Variants in CRPPA observed in about 807,000 individuals in gnomAD.
CRPPA encodes D-ribitol-5-phosphate cytidylyltransferase.
CRPPA carries 43 observed loss-of-function variants against 52.0 expected under a neutral mutation model. The ratio of observed to expected loss-of-function variants is 0.83; its 90% CI spans 0.65 to 1.07. The LOEUF is 1.07. CRPPA is among the 50% of genes least tolerant of loss of function. The pLI is 0.00. For synonymous variants in CRPPA, 250 were observed against 203.5 expected (o/e 1.23, Z -1.94); for missense variants, 629 against 551.7 (o/e 1.14, Z -1.40).
chr7:16,353,568 G>C (rs1044793471), intron 3 of CRPPA, among the ~76,000 whole-genome samples: 4 of 152,138 alleles, frequency 2.6e-5, no homozygotes, highest in African/African-American at 7.2e-5. Flanking sequence ...TTAATTTGTT[G>C]GCAGGGTGTG....
chr7:16,342,770 A>ATAT (rs1204379500), intron 3 of CRPPA, among the ~76,000 whole-genome samples: 7 of 3,686 alleles, frequency 1.9e-3, no homozygotes, highest in Middle Eastern at 0.1. Flanking sequence ...CCACAAAAAA[A>ATAT]AAAAAAAAAA....
Position 16,308,606 on chromosome 7 carries a change from A to C in CRPPA, c.706T>G (p.Phe236Val). The C allele has an allele frequency of 6.2e-7, 1 of 1,607,354 alleles. No homozygotes were observed. The highest frequency in any genetic ancestry group is 2.2e-5 in the East Asian group (1 of 44,804). The change falls in exon 4 of 10, where the codon TTT becomes GTT. Residue 236 changes from phenylalanine (F) to valine (V), a missense_variant. Phe to Val is a conservative substitution (Grantham distance 50, BLOSUM62 -1). Coordinates refer to ENST00000407010, the MANE Select transcript of CRPPA (RefSeq NM_001101426.4). ...YQQCSDYDLE[F>V]GTECLQLALK... ...GCCAATTGCAAACACTCAGTTCCAA[A>C]TTCCAAGTCATAGTCACTACACTGG...
rs1237605430 is a variant in CRPPA, at chr7:16,221,675, G to T, written c.1120-5478C>A. ...CTTCTCAAAAGAAGACATTTATGCA[G>T]CCAAAAAACACATGAAAAAATGCTC... On this transcript the variant is annotated intron_variant, in intron 8 of 9. Transcript: ENST00000407010. Among the ~76,000 whole-genome samples the T allele has an allele frequency of 2.0e-5, 3 of 152,020 alleles. No individual in the cohort carries two copies. In the East Asian group the frequency reaches 5.8e-4, roughly 29 times the overall value.
At position 16,421,395 on chromosome 7, in the gene CRPPA, G is replaced by A; in HGVS notation, c.-73C>T. The A allele has an allele frequency of 1.7e-6, 2 of 1,206,056 alleles. No individual in the cohort carries two copies. The highest frequency in any genetic ancestry group is 2.1e-6 in the Non-Finnish European group (2 of 970,020). 74.7% of individuals were successfully genotyped at this position (1,206,056 alleles called of 1,614,324 possible). On this transcript the variant is annotated 5_prime_UTR_variant, in exon 1 of 10. Coordinates refer to ENST00000407010, the MANE Select transcript of CRPPA (RefSeq NM_001101426.4). ...CCCGCGCTGCTCCCACCCTCGGCCGGGGTCGCGGGGCGAAGGGCAGACCAC... is the reference window on the plus strand; with the variant it reads ...CCCGCGCTGCTCCCACCCTCGGCCGAGGTCGCGGGGCGAAGGGCAGACCAC...
intron 5 of CRPPA, among the ~76,000 whole-genome samples, chr7:16,295,498 T>C (rs1003515764): frequency 6.6e-6 from 1 of 152,088 alleles, no homozygotes; most frequent in Non-Finnish European, 1.5e-5. Flanking sequence ...CTTGGGTTTG[T>C]ACAAGTATAA....
At chr7:16,291,823 C>T (rs1244809880) in intron 5 of CRPPA, among the ~76,000 whole-genome samples, 1 of 151,840 alleles carries the variant, frequency 6.6e-6, no homozygotes, top group Non-Finnish European at 1.5e-5. Flanking sequence ...TCAAAGTACC[C>T]ATAAATATGT....
chr7:16,178,475 T>C (rs1781348724), intron 9 of CRPPA, among the ~76,000 whole-genome samples: 1 of 152,174 alleles, frequency 6.6e-6, no homozygotes, highest in Non-Finnish European at 1.5e-5. Context: ...TTACATGAAT[T>C]ACTGAGAAAT....
Position 16,134,208 on chromosome 7 carries a change from G to A in CRPPA, c.1252-42409C>T, listed in dbSNP as rs1013128716. Among the ~76,000 whole-genome samples, 7 of 125,364 alleles carry A rather than the reference G, an allele frequency of 5.6e-5. 1 individual carries two copies. Among genetic ancestry groups the A allele is most frequent in the African/African-American group, 1.8e-4 (7 of 38,600 alleles). 82.2% of individuals were successfully genotyped at this position (125,364 alleles called of 152,430 possible). A position where few individuals can be genotyped will look rare whatever the true frequency, so the allele number is the denominator to read the frequency against. The stretch of plus-strand genomic sequence containing the variant: ...GGCCCCCTAAAGTGCTGGGATTACA[G>A]GCGTGAGACGCCACACACGGACCTT... On this transcript the variant is annotated intron_variant, in intron 9 of 9. Transcript: ENST00000407010.
intron 2 of CRPPA, among the ~76,000 whole-genome samples, chr7:16,378,842 T>G (rs1370516246): frequency 6.6e-6 from 1 of 152,230 alleles, no homozygotes; most frequent in Non-Finnish European, 1.5e-5. Context: ...GGTTTTGATT[T>G]GCATTTCTCT....
At chr7:16,240,791 G>C (rs1000446948) in intron 8 of CRPPA, among the ~76,000 whole-genome samples, 1 of 152,088 alleles carries the variant, frequency 6.6e-6, no homozygotes, top group Non-Finnish European at 1.5e-5. Flanking sequence ...AAGCAGGTAA[G>C]TAAAAGATGA....
chr7:16,329,512 G>T (rs1785500622), intron 3 of CRPPA, among the ~76,000 whole-genome samples: 1 of 152,154 alleles, frequency 6.6e-6, no homozygotes. Context: ...ATTATCCAAA[G>T]AGTGTGCACA....
chr7:16,341,420 T>C (rs1423538837), intron 3 of CRPPA, among the ~76,000 whole-genome samples: 2 of 152,134 alleles, frequency 1.3e-5, no homozygotes, highest in African/African-American at 4.8e-5. Flanking sequence ...CTAAAAAAAG[T>C]CTTTAAAAAA....
chr7:16,216,481 C>G, intron 8 of CRPPA: 1 of 277,550 alleles, frequency 3.6e-6, no homozygotes, highest in Admixed American at 5.0e-5. Context: ...CAGCTCCCAG[C>G]GTGAGCGACG....
chr7:16,151,288 C>G (rs1006706238), intron 9 of CRPPA, among the ~76,000 whole-genome samples: 1 of 152,068 alleles, frequency 6.6e-6, no homozygotes, highest in Non-Finnish European at 1.5e-5. Context: ...GAGCTTCAAA[C>G]TAGAAACCAT....
chr7:16,334,504 C>T (rs1443436492), intron 3 of CRPPA, among the ~76,000 whole-genome samples: 1 of 152,186 alleles, frequency 6.6e-6, no homozygotes, highest in Non-Finnish European at 1.5e-5. Context: ...GAAGCATAGC[C>T]TCTGGTCCTG....
intron 3 of CRPPA, among the ~76,000 whole-genome samples, chr7:16,328,456 G>C (rs2128429210): frequency 6.7e-6 from 1 of 149,234 alleles, no homozygotes; most frequent in Non-Finnish European, 1.5e-5. Flanking sequence ...TTAATAAATG[G>C]TTGCTTTCTT....
chr7:16,154,285 G>A (rs143415836), intron 9 of CRPPA, among the ~76,000 whole-genome samples: 37 of 151,984 alleles, frequency 2.4e-4, no homozygotes, highest in African/African-American at 8.9e-4. Context: ...TGTTACAGAG[G>A]TATACGTGTG....
chr7:16,272,746 C>A (rs1487324125), intron 6 of CRPPA, among the ~76,000 whole-genome samples: 3 of 152,122 alleles, frequency 2.0e-5, no homozygotes, highest in Non-Finnish European at 2.9e-5. Flanking sequence ...AAATCTCAGT[C>A]TTTTATCTCA....
chr7:16,354,238 TTAA>T (rs1275847327), intron 3 of CRPPA, among the ~76,000 whole-genome samples: 1 of 152,178 alleles, frequency 6.6e-6, no homozygotes, highest in Non-Finnish European at 1.5e-5. Flanking sequence ...TTTATCTGTA[TTAA>T]TAAAGCCATA....
Sources: allele counts gnomAD v4.1 joint callset (sites outside exome capture counted in the v4.1 genomes callset), GRCh38; gene constraint gnomAD v4.1.1; transcripts MANE v1.5; gene names NCBI Gene and HGNC (gene_info 2026-07-23, HGNC 2026-07-21).